Variants in TRPM7 observed in about 807,000 individuals in gnomAD.
TRPM7 encodes LTRPC ion channel family member 7.
In TRPM7, 134 loss-of-function variants were observed where a neutral mutation model predicts 229.7. That is an observed-to-expected ratio of 0.58 (90% CI 0.51 to 0.67). The LOEUF (loss-of-function observed/expected upper bound fraction) is 0.67. TRPM7 is among the 30% of genes least tolerant of loss of function. TRPM7 has a pLI of 0.00. For synonymous variants in TRPM7, 699 were observed against 715.2 expected (o/e 0.98, Z 0.36); for missense variants, 1,901 against 2,210.0 (o/e 0.86, Z 2.80).
At chr15:50,572,038 G>A (rs898931977) in intron 36 of TRPM7, among the ~76,000 whole-genome samples, 4 of 152,196 alleles carry the variant, frequency 2.6e-5, no homozygotes, top group Non-Finnish European at 4.4e-5. Flanking sequence ...GCTCATGCCC[G>A]TAATCCTAGC....
intron 30 of TRPM7, among the ~76,000 whole-genome samples, chr15:50,580,270 T>C (rs913248406): frequency 2.0e-5 from 3 of 152,180 alleles, no homozygotes; most frequent in Non-Finnish European, 2.9e-5. Flanking sequence ...ATTCCTAGGA[T>C]GGAAACACAG....
At chr15:50,583,582 T>TG (rs1555404719) in intron 28 of TRPM7, among the ~76,000 whole-genome samples, 1 of 140,550 alleles carries the variant, frequency 7.1e-6, no homozygotes, top group Admixed American at 7.1e-5. Context: ...AGAGTTTTGT[T>TG]TTTTTTTTTT....
chr15:50,664,236 G>A (rs1249842266), intron 1 of TRPM7, among the ~76,000 whole-genome samples: 2 of 150,492 alleles, frequency 1.3e-5, no homozygotes, highest in Non-Finnish European at 3.0e-5. Context: ...AGTGAACCAG[G>A]GAGTCGGAGG....
chr15:50,571,945 T>C (rs920088283), intron 36 of TRPM7, among the ~76,000 whole-genome samples: 1 of 152,212 alleles, frequency 6.6e-6, no homozygotes, highest in Non-Finnish European at 1.5e-5. Flanking sequence ...TAAAATGTTA[T>C]CAAATGGCAC....
Position 50,609,737 on chromosome 15 carries a change from A to G in TRPM7, c.2437-13T>C. The G allele has an allele frequency of 6.3e-7, 1 of 1,578,374 alleles. No individual in the cohort carries two copies. Among genetic ancestry groups the G allele is most frequent in the South Asian group, 1.2e-5 (1 of 83,684 alleles). On this transcript the variant is annotated splice_polypyrimidine_tract_variant and intron_variant, in intron 18 of 38. Coordinates refer to ENST00000646667, the MANE Select transcript of TRPM7 (RefSeq NM_017672.6). ...CTTTAAACACTTCCTAAAATTAAAA[A>G]AAAAAAAATTCTTTTGTACAATTAT...
At position 50,637,675 on chromosome 15, in the gene TRPM7, G is replaced by C; in HGVS notation, c.661-82C>G. On this transcript the variant is annotated intron_variant, in intron 6 of 38. Coordinates refer to ENST00000646667, the MANE Select transcript of TRPM7 (RefSeq NM_017672.6). The stretch of plus-strand genomic sequence containing the variant: ...AATAAATTTTGAAATAATCCGTAAA[G>C]ACAAGTAAGAAGTAAAATTCTATTT... The C allele has an allele frequency of 3.3e-6, 4 of 1,215,766 alleles. No homozygotes were observed. In the South Asian group the frequency reaches 4.9e-5, roughly 15 times the overall value. The allele number at this position is 1,215,766 out of a possible 1,614,324, so 75.3% of individuals were successfully genotyped here. A position where few individuals can be genotyped will look rare whatever the true frequency, so the allele number is the denominator to read the frequency against.
chr15:50,570,761 G>A (rs757144329), intron 36 of TRPM7, among the ~76,000 whole-genome samples: 1 of 151,368 alleles, frequency 6.6e-6, no homozygotes, highest in South Asian at 2.1e-4. Flanking sequence ...AGGCTGAGAC[G>A]GGAGAATCGC....
chr15:50,613,510 A>AC (rs1390130811), intron 15 of TRPM7, among the ~76,000 whole-genome samples, 197 bp downstream of exon 15: 1 of 151,084 alleles, frequency 6.6e-6, no homozygotes, highest in Non-Finnish European at 1.5e-5. Context: ...TCAAAAAAAA[A>AC]AAAAAAAAAA....
intron 2 of TRPM7, among the ~76,000 whole-genome samples, chr15:50,658,555 G>A (rs1376161278): frequency 2.0e-5 from 3 of 148,828 alleles, no homozygotes; most frequent in African/African-American, 7.5e-5. Context: ...CTGGGCGAAA[G>A]AGCGAGAAAC....
Position 50,592,166 on chromosome 15 carries a change from G to C in TRPM7, c.4069C>G (p.Pro1357Ala). The C allele has an allele frequency of 6.2e-7, 1 of 1,613,964 alleles. No homozygotes were observed. The highest frequency in any genetic ancestry group is 8.5e-7 in the Non-Finnish European group (1 of 1,179,970). The change falls in exon 26 of 39, where the codon CCA becomes GCA. Residue 1357 changes from proline (P) to alanine (A), a missense_variant. Physicochemically the swap from Pro to Ala is conservative, Grantham distance 27. Around this residue, in one of 8 missense-constraint regions of TRPM7, gnomAD observed 533 missense variants for 497.1 expected, o/e 1.07. Coordinates refer to ENST00000646667, the MANE Select transcript of TRPM7 (RefSeq NM_017672.6). Reference protein sequence around the residue: ...EAGSSSGALFPSAVSPPELRQ... With the variant: ...EAGSSSGALFASAVSPPELRQ... ...AGTTCTGGAGGGGAAACAGCACTTG[G>C]GAATAAGGCACCAGAAGAGGAACCA...
chr15:50,631,697 T>G (rs1008534358), intron 9 of TRPM7, among the ~76,000 whole-genome samples: 2 of 152,044 alleles, frequency 1.3e-5, no homozygotes, highest in African/African-American at 2.4e-5. Flanking sequence ...CCAAAAAATT[T>G]TAAAAACTTT....
chr15:50,603,723 T>A (rs911848019), intron 21 of TRPM7, among the ~76,000 whole-genome samples: 23 of 152,154 alleles, frequency 1.5e-4, no homozygotes, highest in African/African-American at 5.3e-4. Context: ...TGATGGACAT[T>A]TGGGTTGGTT....
intron 13 of TRPM7, among the ~76,000 whole-genome samples, chr15:50,616,271 G>C (rs1048106792): frequency 6.6e-6 from 1 of 152,002 alleles, no homozygotes; most frequent in Non-Finnish European, 1.5e-5. Context: ...TGTATTTAAA[G>C]ATTTATCACT....
At position 50,670,635 on chromosome 15, in the gene TRPM7, C is replaced by T. The variant is rs1000785983; in HGVS notation, c.4-7589G>A. ...CCTCAGTTCTGGGAACTGCCCACCA[C>T]TTTCCCAGAAAATTCATTAATAATC... On this transcript the variant is annotated intron_variant, in intron 1 of 38. Coordinates refer to ENST00000646667, the MANE Select transcript of TRPM7 (RefSeq NM_017672.6). Among the ~76,000 whole-genome samples, 5 of 152,046 alleles carry T rather than the reference C, an allele frequency of 3.3e-5. No homozygotes were observed. In the Middle Eastern group the frequency reaches 9.5e-3, roughly 289 times the overall value.
intron 2 of TRPM7, among the ~76,000 whole-genome samples, chr15:50,658,542 A>G (rs1043206091): frequency 6.6e-6 from 1 of 151,390 alleles, no homozygotes; most frequent in Non-Finnish European, 1.5e-5. Context: ...ACTGCACTCC[A>G]GCCTGGGCGA....
At chr15:50,682,899 CTT>C (rs11437624) in intron 1 of TRPM7, among the ~76,000 whole-genome samples, 13 of 143,202 alleles carry the variant, frequency 9.1e-5, no homozygotes, top group Admixed American at 1.4e-4. Flanking sequence ...CGGTACCAAA[CTT>C]TTTTTTTTTT....
At chr15:50,604,753 AAC>A (rs2059878310) in intron 21 of TRPM7, 111 bp downstream of exon 21, 5 of 1,103,996 alleles carry the variant, frequency 4.5e-6, no homozygotes, top group Non-Finnish European at 6.4e-6. Context: ...GAGGCAAACA[AAC>A]ACAAAATAAA....
chr15:50,612,400 AT>A (rs1373959686), intron 16 of TRPM7, 148 bp downstream of exon 16: 81 of 530,446 alleles, frequency 1.5e-4, no homozygotes, highest in Non-Finnish European at 2.1e-4. Flanking sequence ...AATTAAAAAA[AT>A]ATATACTTAT....
intron 15 of TRPM7, among the ~76,000 whole-genome samples, 176 bp from the exon 16 acceptor site, chr15:50,613,005 G>A (rs1011926983): frequency 3.3e-5 from 5 of 152,000 alleles, no homozygotes; most frequent in African/African-American, 1.2e-4. Flanking sequence ...TGAAAATGCT[G>A]TTTCAACAAA....
Sources: allele counts gnomAD v4.1 joint callset (sites outside exome capture counted in the v4.1 genomes callset), GRCh38; gene constraint gnomAD v4.1.1; regional missense constraint gnomAD v4.1.1; transcripts MANE v1.5; gene names NCBI Gene and HGNC (gene_info 2026-07-23, HGNC 2026-07-21).